The following TMF1 variants were observed in gnomAD, a reference collection of about 807,000 sequenced individuals.
TMF1 encodes TATA element modulatory factor.
TMF1 carries 71 observed loss-of-function variants against 126.5 expected under a neutral mutation model. That is an observed-to-expected ratio of 0.56 (90% CI 0.46 to 0.68). The LOEUF (loss-of-function observed/expected upper bound fraction) is 0.68. Among genes scored for constraint, TMF1 ranks in the 30% least tolerant of loss-of-function variants. The pLI is 0.00. For missense variants in TMF1, 1,259 were observed against 1,253.2 expected, an observed-to-expected ratio of 1.00 and a Z score of -0.07; for synonymous variants, 461 against 430.5, an observed-to-expected ratio of 1.07 and a Z score of -0.88.
In TMF1 at chr3:69,048,244, T is replaced by C; in HGVS notation, c.461A>G (p.Asp154Gly). The change falls in exon 2 of 17, where the codon GAC (aspartate) becomes GGC (glycine). Residue 154 changes from aspartate (D) to glycine (G), a missense_variant. Physicochemically the swap from Asp to Gly is moderately conservative, Grantham distance 94. Coordinates refer to ENST00000398559, the MANE Select transcript of TMF1 (RefSeq NM_007114.3). ...TPETTESQVK[D>G]SSLCVSGETL... ...TTCCCCTGAAACACACAAAGAAGAG[T>C]CTTTTACTTGTGATTCAGTTGTTTC... The C allele has an allele frequency of 1.9e-6, 3 of 1,614,044 alleles. No individual in the cohort carries two copies. The highest frequency in any genetic ancestry group is 2.2e-5 in the South Asian group (2 of 91,082).
intron 4 of TMF1, among the ~76,000 whole-genome samples, chr3:69,043,449 C>T (rs772268910): frequency 6.6e-6 from 1 of 152,104 alleles, no homozygotes. Context: ...TGACCACAGG[C>T]GCACACCAGC....
At chr3:69,027,423 TA>T (rs1243065191) in intron 13 of TMF1, among the ~76,000 whole-genome samples, 1 of 152,174 alleles carries the variant, frequency 6.6e-6, no homozygotes, top group East Asian at 1.9e-4. Flanking sequence ...AATTCATTTT[TA>T]AAAAGGGCAA....
At chr3:69,035,213 GTATAC>G in intron 8 of TMF1, 98 bp from the exon 9 acceptor site, 1 of 982,228 alleles carries the variant, frequency 1.0e-6, no homozygotes, top group Non-Finnish European at 1.6e-6. Context: ...CATTGTTCAT[GTATAC>G]TATTTCATAC....
intron 5 of TMF1, 36 bp from the exon 6 acceptor site, chr3:69,039,729 A>C (rs1368822826): frequency 6.3e-7 from 1 of 1,579,324 alleles, no homozygotes; most frequent in African/African-American, 1.4e-5. Context: ...TCAAATGATA[A>C]CTATTCCCTA....
chr3:69,034,834 A>G, intron 9 of TMF1, 189 bp downstream of exon 9: 1 of 590,448 alleles, frequency 1.7e-6, no homozygotes, highest in South Asian at 2.0e-5. Flanking sequence ...AAAACAAAAT[A>G]AGGAATTTCC....
At position 69,036,180 on chromosome 3, in the gene TMF1, GATC is replaced by G. The variant is rs375672154; in HGVS notation, c.2152-1068_2152-1066del. ...AAAAACCTCTATGTTTTACTAGAGT[GATC>G]ATCAGGATATTTTACTAAGTAAATA... is the stretch of plus-strand genomic sequence containing the variant. On this transcript the variant is annotated intron_variant, in intron 8 of 16. Transcript: ENST00000398559. Among the ~76,000 whole-genome samples the G allele has an allele frequency of 5.8e-4, 89 of 152,204 alleles. No individual in the cohort carries two copies. In the Middle Eastern group the frequency reaches 0.017, roughly 29 times the overall value.
At chr3:69,035,214 T>A in intron 8 of TMF1, 99 bp from the exon 9 acceptor site, 1 of 975,236 alleles carries the variant, frequency 1.0e-6, no homozygotes, top group Non-Finnish European at 1.6e-6. Flanking sequence ...ATTGTTCATG[T>A]ATACTATTTC....
chr3:69,036,246 T>C (rs2091830665), intron 8 of TMF1, among the ~76,000 whole-genome samples: 1 of 151,892 alleles, frequency 6.6e-6, no homozygotes, highest in South Asian at 2.1e-4. Context: ...TAAACTATCA[T>C]TTACGTAAAA....
Position 69,048,480 on chromosome 3 carries a change from T to G in TMF1, c.225A>C (p.Ile75=), listed in dbSNP as rs750884923. Residue 75 remains isoleucine, a synonymous_variant, in exon 2 of 17, where the codon ATA becomes ATC. Coordinates refer to ENST00000398559, the MANE Select transcript of TMF1 (RefSeq NM_007114.3). ...GCTTTGTGATTGCTTTAGGAGAGGC[T>G]ATTGGTGGACTCTGAGGTTCAGTGT... is the stretch of plus-strand genomic sequence containing the variant. The part of the protein sequence containing the change: ...KSNTEPQSPP[I]ASPKAITKPV... The G allele has an allele frequency of 7.4e-6, 12 of 1,614,168 alleles. No individual in the cohort carries two copies. Among genetic ancestry groups the G allele is most frequent in the Non-Finnish European group, 1.0e-5 (12 of 1,180,024 alleles).
chr3:69,026,607 T>A (rs2091768694), intron 13 of TMF1, among the ~76,000 whole-genome samples: 1 of 151,826 alleles, frequency 6.6e-6, no homozygotes, highest in Admixed American at 6.6e-5. Flanking sequence ...GCAATAAGAG[T>A]AAAACTCAGT....
chr3:69,048,161 T>G lies in TMF1; in HGVS notation c.544A>C (p.Asn182His), dbSNP rs2091906721. The G allele has an allele frequency of 6.2e-7, 1 of 1,614,104 alleles. No individual in the cohort carries two copies. The highest frequency in any genetic ancestry group is 2.2e-5 in the East Asian group (1 of 44,902). Reference protein sequence around the residue: ...KTEGKHEETVNKESDMKVPTV... With the variant: ...KTEGKHEETVHKESDMKVPTV... ...GGCACCTTCATATCCGATTCTTTAT[T>G]AACAGTTTCTTCGTGCTTGCCTTCA... Residue 182 changes from asparagine to histidine, a missense_variant, in exon 2 of 17, where the codon AAT becomes CAT. Physicochemically the swap from Asn to His is moderately conservative, Grantham distance 68 (BLOSUM62 1). Transcript: ENST00000398559.
At chr3:69,032,614 T>TC (rs2091809238) in intron 10 of TMF1, among the ~76,000 whole-genome samples, 1 of 7,536 alleles carries the variant, frequency 1.3e-4, no homozygotes, top group African/African-American at 4.4e-4. Context: ...ATATGGAATC[T>TC]TTTTTTTTTT....
Position 69,052,215 on chromosome 3 carries a change from C to T in TMF1, c.-129G>A, listed in dbSNP as rs942955408. On this transcript the variant is annotated 5_prime_UTR_variant, in exon 1 of 17. Coordinates refer to ENST00000398559, the MANE Select transcript of TMF1 (RefSeq NM_007114.3). ...TGGTTCTGTCAGCGTGTGGCCATTA[C>T]CCCGACAGCCTCCCGCGAGCCCGGG... 9.5e-6 allele frequency: 10 copies of T among 1,056,918 alleles called. No homozygotes were observed. Among genetic ancestry groups the T allele is most frequent in the Non-Finnish European group, 1.3e-5 (10 of 761,868 alleles). 65.5% of individuals were successfully genotyped at this position (1,056,918 alleles called of 1,614,324 possible).
Position 69,025,675 on chromosome 3 carries a change from A to G in TMF1, c.2897T>C (p.Ile966Thr). The change falls in exon 15 of 17, where the codon ATA (isoleucine) becomes ACA (threonine). Residue 966 changes from isoleucine (I) to threonine (T), a missense_variant. Coordinates refer to ENST00000398559, the MANE Select transcript of TMF1 (RefSeq NM_007114.3). ...SHDHSFGPMP[I>T]SANGSNLYDA... ...ATAAAGATTGCTTCCATTTGCTGATATAGGCATTGGTCCAAATGAGTGATC... is the reference window on the plus strand; with the variant it reads ...ATAAAGATTGCTTCCATTTGCTGATGTAGGCATTGGTCCAAATGAGTGATC... 1.9e-6 allele frequency: 3 copies of G among 1,614,054 alleles called. No homozygotes were observed. Among genetic ancestry groups the G allele is most frequent in the Non-Finnish European group, 1.7e-6 (2 of 1,179,978 alleles).
In TMF1 at chr3:69,033,542, A is replaced by G. The variant is rs546769213; in HGVS notation, c.2401+6T>C. 6.6e-5 allele frequency: 106 copies of G among 1,608,776 alleles called. No individual in the cohort carries two copies. In the South Asian group the frequency reaches 1.0e-3, roughly 16 times the overall value. ...CTGCATCGAGCATAAAAACTAAAGC[A>G]GTTACCAAGCCTATCAGAAAGATTC... On this transcript the variant is annotated splice_donor_region_variant and intron_variant, in intron 10 of 16. Coordinates refer to ENST00000398559, the MANE Select transcript of TMF1 (RefSeq NM_007114.3).
At chr3:69,027,775 A>G (rs2091778138) in intron 13 of TMF1, 125 bp downstream of exon 13, 1 of 528,332 alleles carries the variant, frequency 1.9e-6, no homozygotes, top group Non-Finnish European at 3.3e-6. Context: ...CCTGGGCCAC[A>G]TGCCAACCAG....
intron 10 of TMF1, among the ~76,000 whole-genome samples, chr3:69,033,005 A>G (rs2091811933): frequency 1.3e-5 from 2 of 152,150 alleles, no homozygotes; most frequent in Non-Finnish European, 2.9e-5. Context: ...TCTACCAGTG[A>G]TGAGAATCAT....
At chr3:69,043,295 G>A (rs894745167) in intron 4 of TMF1, among the ~76,000 whole-genome samples, 2 of 151,944 alleles carry the variant, frequency 1.3e-5, no homozygotes, top group African/African-American at 2.4e-5. Flanking sequence ...TCAGCTTCCC[G>A]AGTAGTTGGG....
chr3:69,026,115 A>G lies in TMF1; in HGVS notation c.2758-18T>C. 9.0e-6 allele frequency: 14 copies of G among 1,547,892 alleles called. No homozygotes were observed. Among genetic ancestry groups the G allele is most frequent in the Non-Finnish European group, 1.2e-5 (14 of 1,121,218 alleles). ...TTGCGTTCCTTAGGGAGTAAAAAAA[A>G]TTCTGTTCATATTAAAGAGCAAAGA... On this transcript the variant is annotated intron_variant, in intron 13 of 16. Transcript: ENST00000398559.
Sources: gnomAD v4.1 joint callset for allele counts (sites outside exome capture counted in the v4.1 genomes callset) on GRCh38, gnomAD v4.1.1 for gene constraint, MANE v1.5 for transcripts, NCBI Gene and HGNC (gene_info 2026-07-23, HGNC 2026-07-21) for gene names.